The following SLC28A1 variants were observed in gnomAD, a reference collection of about 807,000 sequenced individuals.
SLC28A1 encodes solute carrier family 28 member 1, also known as sodium/nucleoside cotransporter 1.
SLC28A1 carries 64 observed loss-of-function variants against 74.8 expected under a neutral mutation model. That is an observed-to-expected ratio of 0.86 (90% CI 0.70 to 1.05). The LOEUF is 1.05. Ranked by LOEUF, SLC28A1 falls within the 50% of genes least tolerant of loss-of-function variation. The probability of loss-of-function intolerance (pLI) is 0.00; values close to 1 mark genes in which losing one functional copy is unlikely to be tolerated. For missense variants in SLC28A1, 828 were observed against 822.8 expected, an observed-to-expected ratio of 1.01 and a Z score of -0.08; for synonymous variants, 359 against 335.0, an observed-to-expected ratio of 1.07 and a Z score of -0.78.
intron 9 of SLC28A1, among the ~76,000 whole-genome samples, chr15:84,915,381 C>G (rs141105300): frequency 1.0e-3 from 153 of 152,306 alleles, no homozygotes; most frequent in East Asian, 7.9e-3. Flanking sequence ...TCTTCAGGGT[C>G]CATTCTGTAA....
chr15:84,943,396 C>G, intron 15 of SLC28A1, 49 bp from the exon 16 acceptor site: 4 of 1,381,382 alleles, frequency 2.9e-6, no homozygotes, highest in Non-Finnish European at 4.1e-6. Context: ...AGGGGTGCCC[C>G]AGGCCCATCT....
chr15:84,902,847 A>G (rs1045409259), intron 6 of SLC28A1, among the ~76,000 whole-genome samples: 1 of 151,366 alleles, frequency 6.6e-6, no homozygotes, highest in African/African-American at 2.4e-5. Flanking sequence ...CTCCTGCCTC[A>G]GCCTCCCAAG....
At chr15:84,964,845 C>A in the SLC28A1 span, among the ~76,000 whole-genome samples, 1 of 152,220 alleles carries the variant, frequency 6.6e-6, no homozygotes, top group Non-Finnish European at 1.5e-5. Flanking sequence ...GCCAGAGGCC[C>A]ATGCTGTAGC....
rs1596258847 is a variant in SLC28A1 at position 84,905,707 on chromosome 15, A to C, written c.717+55A>C. On this transcript the variant is annotated intron_variant, in intron 8 of 18. Coordinates refer to ENST00000394573, the MANE Select transcript of SLC28A1 (RefSeq NM_004213.5). ...CATCTTAGATTACTGGGAGTAGGGG[A>C]GAAGCCACTTGGCAGGGGGAAAAGT... is the stretch of plus-strand genomic sequence containing the variant. The C allele has an allele frequency of 8.6e-6, 11 of 1,281,860 alleles. No homozygotes were observed. The East Asian group carries it at 2.5e-4, about 30-fold the overall frequency. 79.4% of individuals were successfully genotyped at this position (1,281,860 alleles called of 1,614,324 possible).
Position 84,887,667 on chromosome 15 carries a change from C to A in SLC28A1, c.-16-78C>A, listed in dbSNP as rs572078176. 1,961 of 1,575,862 alleles carry A rather than the reference C, an allele frequency of 1.2e-3. 14 individuals are homozygous for A. The highest frequency in any genetic ancestry group is 9.2e-3 in the African/African-American group (684 of 74,384). On this transcript the variant is annotated intron_variant, in intron 2 of 18. Transcript: ENST00000394573. ...ATCTGCTCCCCCCACTCAGTCCTCTCCCCTTTCCCCGGGCCCCTAAACTGG... is the reference window on the plus strand; with the variant it reads ...ATCTGCTCCCCCCACTCAGTCCTCTACCCTTTCCCCGGGCCCCTAAACTGG...
chr15:84,924,169 GA>G, intron 12 of SLC28A1, 59 bp downstream of exon 12: 2 of 1,583,674 alleles, frequency 1.3e-6, no homozygotes, highest in Non-Finnish European at 1.7e-6. Context: ...ATCTTTGTGG[GA>G]GCCCCACACA....
At chr15:84,970,964 G>C in the SLC28A1 span, among the ~76,000 whole-genome samples, 4 of 152,222 alleles carry the variant, frequency 2.6e-5, no homozygotes, top group Non-Finnish European at 5.9e-5. Flanking sequence ...TCCAGCCCCA[G>C]TGGAATGCCA....
chr15:84,964,883 G>A, the SLC28A1 span, among the ~76,000 whole-genome samples: 25 of 152,332 alleles, frequency 1.6e-4, no homozygotes, highest in Admixed American at 9.8e-4. Context: ...AAGCAAGTGC[G>A]TCTGCAGCTG....
chr15:84,965,362 T>C, the SLC28A1 span, among the ~76,000 whole-genome samples: 1 of 152,330 alleles, frequency 6.6e-6, no homozygotes, highest in South Asian at 2.1e-4. Context: ...CAGTCTCAAG[T>C]ATTTCTTCAT....
chr15:84,898,841 T>A (rs915148527), intron 6 of SLC28A1, among the ~76,000 whole-genome samples: 4 of 151,918 alleles, frequency 2.6e-5, no homozygotes, highest in Admixed American at 6.6e-5. Context: ...AAAACTGAGG[T>A]GGGACCAGGA....
chr15:84,961,755 G>C, the SLC28A1 span, among the ~76,000 whole-genome samples: 1 of 152,162 alleles, frequency 6.6e-6, no homozygotes, highest in Non-Finnish European at 1.5e-5. Flanking sequence ...AGTACTCCAA[G>C]ATGTTGGGTG....
intron 15 of SLC28A1, among the ~76,000 whole-genome samples, chr15:84,937,739 T>C (rs1319808953): frequency 2.0e-5 from 3 of 151,708 alleles, no homozygotes; most frequent in African/African-American, 7.3e-5. Flanking sequence ...CCTTCTCTAC[T>C]AAAAATACAA....
chr15:84,888,831 C>G lies in SLC28A1; in HGVS notation c.156C>G (p.Ser52Arg). 1 of 1,553,706 alleles carries G rather than the reference C, an allele frequency of 6.4e-7. No homozygotes were observed. Among genetic ancestry groups the G allele is most frequent in the South Asian group, 1.2e-5 (1 of 84,144 alleles). The change falls in exon 4 of 19, where the codon AGC becomes AGG. Residue 52 changes from serine to arginine, a missense_variant. This residue lies in a region of SLC28A1 where 767 missense variants were observed against 753.5 expected (regional missense o/e 1.02). Coordinates refer to ENST00000394573, the MANE Select transcript of SLC28A1 (RefSeq NM_004213.5). Reference protein sequence around the residue: ...LSPAEIRSSWSEAAPKPFSRW... With the variant: ...LSPAEIRSSWREAAPKPFSRW... Reference sequence around the variant, plus strand: ...CCGCAGAGATCAGGAGCAGCTGGAGCGAGGCGGCGCCGAAGCCCTTCTCCA... The same window carrying G: ...CCGCAGAGATCAGGAGCAGCTGGAGGGAGGCGGCGCCGAAGCCCTTCTCCA...
At chr15:84,940,319 C>T (rs543844281) in intron 15 of SLC28A1, among the ~76,000 whole-genome samples, 1 of 152,082 alleles carries the variant, frequency 6.6e-6, no homozygotes, top group Non-Finnish European at 1.5e-5. Flanking sequence ...ATTGAAAATA[C>T]CACCAGGACA....
In SLC28A1 at chr15:84,918,519, G is replaced by A. The variant is rs145516173; in HGVS notation, c.796-5G>A. 6.8e-4 allele frequency: 1,089 copies of A among 1,612,858 alleles called. 14 individuals are homozygous for A. The African/African-American group carries it at 0.012, about 18-fold the overall frequency. ...CCTGCGGTCCTATGATCTCCTTCCC[G>A]GCAGGTTCTGCCCATCATTGTCTTT... On this transcript the variant is annotated splice_polypyrimidine_tract_variant and splice_region_variant and intron_variant, in intron 9 of 18. Transcript: ENST00000394573.
intron 15 of SLC28A1, among the ~76,000 whole-genome samples, chr15:84,943,193 A>G (rs1972906233): frequency 6.6e-6 from 1 of 152,172 alleles, no homozygotes; most frequent in Non-Finnish European, 1.5e-5. Flanking sequence ...TCTCAAACAA[A>G]AACAAAAACA....
chr15:84,935,871 C>A (rs1220187639), intron 15 of SLC28A1, among the ~76,000 whole-genome samples: 2 of 151,756 alleles, frequency 1.3e-5, no homozygotes, highest in African/African-American at 4.8e-5. Flanking sequence ...AAGGCATACA[C>A]ATGTGCACCC....
Position 84,945,340 on chromosome 15 carries a change from G to A in SLC28A1, c.*140G>A. ...CAGCTCAATCCCACAATTGGGAAGG[G>A]TTCATGGAGTGAGTGTGCAGAGAGT... On this transcript the variant is annotated 3_prime_UTR_variant, in exon 19 of 19. Coordinates refer to ENST00000394573, the MANE Select transcript of SLC28A1 (RefSeq NM_004213.5). 1.3e-6 allele frequency: 1 copy of A among 769,938 alleles called. No individual in the cohort carries two copies. The highest frequency in any genetic ancestry group is 2.3e-6 in the Non-Finnish European group (1 of 434,484). 47.7% of individuals were successfully genotyped at this position (769,938 alleles called of 1,614,324 possible). A position where few individuals can be genotyped will look rare whatever the true frequency, so the allele number is the denominator to read the frequency against.
intron 9 of SLC28A1, among the ~76,000 whole-genome samples, chr15:84,909,032 G>A (rs1967742879): frequency 6.2e-5 from 1 of 16,106 alleles, no homozygotes; most frequent in South Asian, 3.3e-3. Flanking sequence ...AGATATTTCT[G>A]TATGTTTTTT....
Sources: allele counts gnomAD v4.1 joint callset (sites outside exome capture counted in the v4.1 genomes callset), GRCh38; gene constraint gnomAD v4.1.1; regional missense constraint gnomAD v4.1.1; transcripts MANE v1.5; gene names NCBI Gene and HGNC (gene_info 2026-07-23, HGNC 2026-07-21).